Variants in PRKG1 observed in about 807,000 individuals in gnomAD.
PRKG1 encodes cGMP-dependent protein kinase 1.
In PRKG1, 35 loss-of-function variants were observed where a neutral mutation model predicts 88.1. The observed-to-expected ratio is 0.40, with a 90% CI of 0.30 to 0.53. The LOEUF is 0.53. PRKG1 is among the 20% of genes least tolerant of loss of function. PRKG1 has a pLI of 0.59. For synonymous variants in PRKG1, 303 were observed against 292.5 expected, an observed-to-expected ratio of 1.04 and a Z score of -0.37; for missense variants, 540 against 839.8, an observed-to-expected ratio of 0.64 and a Z score of 4.41.
intron 3 of PRKG1, among the ~76,000 whole-genome samples, chr10:51,654,557 A>C (rs892518101): frequency 6.6e-6 from 1 of 151,304 alleles, no homozygotes; most frequent in African/African-American, 2.4e-5. Context: ...AGGAAAGAAA[A>C]ACACACACAC....
At chr10:51,725,031 G>GA (rs1361322559) in intron 3 of PRKG1, among the ~76,000 whole-genome samples, 36 of 152,050 alleles carry the variant, frequency 2.4e-4, no homozygotes, top group Admixed American at 2.2e-3. Flanking sequence ...TTAATGACTG[G>GA]AAAAAATCAA....
At chr10:51,726,907 G>A (rs1335120693) in intron 3 of PRKG1, among the ~76,000 whole-genome samples, 2 of 151,950 alleles carry the variant, frequency 1.3e-5, no homozygotes, top group Non-Finnish European at 2.9e-5. Flanking sequence ...CTCCCAAGTA[G>A]CTGGGACTAC....
chr10:52,216,301 A>T (rs1293692918), intron 9 of PRKG1, among the ~76,000 whole-genome samples: 1 of 152,136 alleles, frequency 6.6e-6, no homozygotes, highest in African/African-American at 2.4e-5. Context: ...TAAGCTTCTC[A>T]CTCTGGGAGA....
chr10:51,741,625 T>C (rs1367393115), intron 3 of PRKG1, among the ~76,000 whole-genome samples: 1 of 152,176 alleles, frequency 6.6e-6, no homozygotes, highest in African/African-American at 2.4e-5. Context: ...CAAGGTAATA[T>C]ATAATTTAGT....
At chr10:51,739,493 A>C (rs754172408) in intron 3 of PRKG1, among the ~76,000 whole-genome samples, 24 of 152,296 alleles carry the variant, frequency 1.6e-4, no homozygotes, top group Admixed American at 2.6e-4. Flanking sequence ...GCCCATCTTC[A>C]TGGGTATTGC....
intron 3 of PRKG1, among the ~76,000 whole-genome samples, chr10:51,520,271 A>G (rs1413018095): frequency 7.0e-6 from 1 of 142,894 alleles, no homozygotes; most frequent in East Asian, 1.9e-4. Flanking sequence ...AGAGTTATAT[A>G]TATGCATATA....
rs1842404305 is a variant in PRKG1, at chr10:52,297,337, T to C, written c.*3437T>C. The C allele has an allele frequency of 6.6e-6, 1 of 152,168 alleles. No individual in the cohort carries two copies. The highest frequency in any genetic ancestry group is 2.4e-5 in the African/African-American group (1 of 41,456). The allele number at this position is 152,168 out of a possible 1,614,324, so 9.4% of individuals were successfully genotyped here. A position where few individuals can be genotyped will look rare whatever the true frequency, so the allele number is the denominator to read the frequency against. On this transcript the variant is annotated 3_prime_UTR_variant, in exon 18 of 18. Coordinates refer to ENST00000373980, the MANE Select transcript of PRKG1 (RefSeq NM_006258.4). ...CCCATAGTTTAGAACATGACCTGGC[T>C]ATCTGGCATTGTTGCAAGTGCCTTA...
intron 3 of PRKG1, among the ~76,000 whole-genome samples, chr10:51,715,327 A>G (rs539396809): frequency 1.2e-4 from 19 of 152,318 alleles, no homozygotes; most frequent in Admixed American, 4.6e-4. Flanking sequence ...TCTAATTAGC[A>G]TGTGTCAGAA....
intron 3 of PRKG1, among the ~76,000 whole-genome samples, chr10:51,739,623 G>A (rs1036182112): frequency 1.3e-5 from 2 of 152,090 alleles, no homozygotes; most frequent in African/African-American, 4.8e-5. Flanking sequence ...AAGAGGAAAA[G>A]GACCCCAAAG....
intron 7 of PRKG1, among the ~76,000 whole-genome samples, chr10:52,108,857 C>T (rs1481033623): frequency 4.1e-5 from 5 of 122,670 alleles, no homozygotes; most frequent in Non-Finnish European, 7.9e-5. Flanking sequence ...GATGGAGTGT[C>T]GCTCTGTCGC....
intron 2 of PRKG1, among the ~76,000 whole-genome samples, chr10:51,329,972 G>T (rs995192180): frequency 2.0e-5 from 3 of 148,112 alleles, no homozygotes; most frequent in Non-Finnish European, 3.0e-5. Flanking sequence ...GAGACTTTTG[G>T]CCTTGTACTT....
At chr10:51,007,414 T>C (rs10995339) in intron 1 of PRKG1, among the ~76,000 whole-genome samples, 48,172 of 152,110 alleles carry the variant, frequency 0.32, 7,780 homozygotes, top group East Asian at 0.48. Flanking sequence ...TCAGACACAA[T>C]AATGCAAACT....
intron 5 of PRKG1, among the ~76,000 whole-genome samples, chr10:51,921,361 G>T (rs72801429): frequency 6.6e-6 from 1 of 152,084 alleles, no homozygotes; most frequent in African/African-American, 2.4e-5. Context: ...TTATGATTGA[G>T]GACAATTTTA....
chr10:51,597,549 C>T (rs1469825563), intron 3 of PRKG1, among the ~76,000 whole-genome samples: 5 of 152,256 alleles, frequency 3.3e-5, no homozygotes, highest in East Asian at 1.9e-4. Flanking sequence ...TTTTAAATCA[C>T]ATTGAATGAA....
At chr10:51,351,307 G>C (rs1182209875) in intron 2 of PRKG1, among the ~76,000 whole-genome samples, 1 of 152,098 alleles carries the variant, frequency 6.6e-6, no homozygotes, top group Non-Finnish European at 1.5e-5. Flanking sequence ...TGGTATTTCT[G>C]GTTCTAGATC....
chr10:51,009,207 C>A (rs1842967748), intron 1 of PRKG1, among the ~76,000 whole-genome samples: 2 of 151,860 alleles, frequency 1.3e-5, no homozygotes, highest in South Asian at 4.2e-4. Context: ...TTTAGGGTTA[C>A]AAAGAACAAA....
At chr10:51,406,875 A>G (rs1588924927) in intron 2 of PRKG1, among the ~76,000 whole-genome samples, 1 of 152,210 alleles carries the variant, frequency 6.6e-6, no homozygotes, top group East Asian at 1.9e-4. Context: ...ATTAACTCAC[A>G]CGATCAGAAG....
intron 2 of PRKG1, among the ~76,000 whole-genome samples, chr10:51,344,173 C>T (rs978747717): frequency 2.0e-5 from 3 of 152,052 alleles, no homozygotes; most frequent in Non-Finnish European, 4.4e-5. Flanking sequence ...TCTGGGGAGG[C>T]CTCAGGAAAC....
At chr10:51,865,868 A>G (rs1841001244) in intron 4 of PRKG1, among the ~76,000 whole-genome samples, 1 of 152,086 alleles carries the variant, frequency 6.6e-6, no homozygotes. Context: ...TATAATAAGC[A>G]TTATTTTTTA....
Sources: gnomAD v4.1 joint callset for allele counts (sites outside exome capture counted in the v4.1 genomes callset) on GRCh38, gnomAD v4.1.1 for gene constraint, MANE v1.5 for transcripts, NCBI Gene and HGNC (gene_info 2026-07-23, HGNC 2026-07-21) for gene names.